PARP12: variants seen among roughly 807,000 people sequenced by gnomAD.
PARP12 encodes the protein poly(ADP-ribose) polymerase family member 12, also known as protein mono-ADP-ribosyltransferase PARP12.
In PARP12, 59 loss-of-function variants were observed where a neutral mutation model predicts 72.4. That is an observed-to-expected ratio of 0.81 (90% CI 0.66 to 1.01). The LOEUF (loss-of-function observed/expected upper bound fraction) is 1.01. Ranked by LOEUF, PARP12 falls within the 50% of genes least tolerant of loss-of-function variation. The pLI is 0.00. For synonymous variants in PARP12, 403 were observed against 371.4 expected, an observed-to-expected ratio of 1.09 and a Z score of -0.98; for missense variants, 851 against 914.0, an observed-to-expected ratio of 0.93 and a Z score of 0.89.
rs774781986 is a variant in PARP12 at position 140,062,836 on chromosome 7, G to A, written c.12C>T (p.Ala4=). Residue 4 remains alanine, a synonymous_variant, in exon 1 of 12, where the codon GCC becomes GCT. Coordinates refer to ENST00000263549, the MANE Select transcript of PARP12 (RefSeq NM_022750.4). ...CCTGGGTGACCTCACCGACGACGCC[G>A]GCCTGGGCCATGGCCGCTGGGCCTG... MAQ[A]GVVGEVTQVL... 3.6e-5 allele frequency: 50 copies of A among 1,384,540 alleles called. No homozygotes were observed. Among genetic ancestry groups the A allele is most frequent in the Middle Eastern group, 2.7e-4 (1 of 3,752 alleles). 85.8% of individuals were successfully genotyped at this position (1,384,540 alleles called of 1,614,324 possible). A position where few individuals can be genotyped will look rare whatever the true frequency, so the allele number is the denominator to read the frequency against.
intron 8 of PARP12, among the ~76,000 whole-genome samples, chr7:140,029,888 A>G (rs1815874157): frequency 6.6e-6 from 1 of 152,202 alleles, no homozygotes; most frequent in Admixed American, 6.5e-5. Flanking sequence ...AAAATGCAGG[A>G]AAGAAGTTGA....
chr7:140,040,328 C>A (rs538793549), intron 6 of PARP12, among the ~76,000 whole-genome samples: 23 of 152,086 alleles, frequency 1.5e-4, no homozygotes, highest in African/African-American at 4.1e-4. Flanking sequence ...AGGTCGCCCA[C>A]GACGGGAGGG....
intron 5 of PARP12, among the ~76,000 whole-genome samples, chr7:140,042,204 T>A (rs1045398731): frequency 6.6e-6 from 1 of 152,250 alleles, no homozygotes; most frequent in African/African-American, 2.4e-5. Flanking sequence ...AGCCAGACCC[T>A]GCATTAAGCA....
chr7:140,031,838 G>C (rs2116529283), intron 8 of PARP12, among the ~76,000 whole-genome samples: 1 of 152,206 alleles, frequency 6.6e-6, no homozygotes, highest in South Asian at 2.1e-4. Flanking sequence ...AGAAATAGGA[G>C]GGTCATAATC....
At chr7:140,034,894 T>A (rs529401243) in intron 7 of PARP12, among the ~76,000 whole-genome samples, 1 of 152,308 alleles carries the variant, frequency 6.6e-6, no homozygotes, top group Admixed American at 6.5e-5. Flanking sequence ...GACAAATACC[T>A]AGCAGTGTTT....
chr7:140,050,575 C>CAA (rs999666688), intron 4 of PARP12, among the ~76,000 whole-genome samples: 7 of 152,262 alleles, frequency 4.6e-5, no homozygotes, highest in African/African-American at 1.7e-4. Flanking sequence ...ACGTGACAGA[C>CAA]AACCAAGAGT....
chr7:140,060,187 G>C (rs1217137909), intron 1 of PARP12, among the ~76,000 whole-genome samples: 1 of 152,196 alleles, frequency 6.6e-6, no homozygotes, highest in African/African-American at 2.4e-5. Flanking sequence ...AGACCTGGAG[G>C]TAAAGTCACT....
chr7:140,033,324 T>C (rs1816019643), intron 8 of PARP12: 1 of 985,418 alleles, frequency 1.0e-6, no homozygotes, highest in African/African-American at 1.7e-5. Flanking sequence ...CAAACTCATT[T>C]AAAAACGACC....
Position 140,026,369 on chromosome 7 carries a change from G to A in PARP12, c.1629-21C>T, listed in dbSNP as rs750765020. The A allele has an allele frequency of 5.6e-6, 9 of 1,600,656 alleles. No homozygotes were observed. In the South Asian group the frequency reaches 7.8e-5, roughly 14 times the overall value. On this transcript the variant is annotated intron_variant, in intron 10 of 11. Coordinates refer to ENST00000263549, the MANE Select transcript of PARP12 (RefSeq NM_022750.4). ...TTTGCCTAGAATCACAGAAGAATGT[G>A]TGCTGGGGGCAGAGTGTGCCGGCCA...
In PARP12 at chr7:140,054,729, G is replaced by C; in HGVS notation, c.795C>G (p.Asn265Lys). Residue 265 changes from asparagine (N) to lysine (K), a missense_variant, in exon 4 of 12, where the codon AAC becomes AAG. Asn to Lys is a moderately conservative substitution (Grantham distance 94). Transcript: ENST00000263549. Reference protein sequence around the residue: ...RKDSSGSVSPNTLSQEEGDQI... With the variant: ...RKDSSGSVSPKTLSQEEGDQI... ...GATCACCCTCCTCCTGGCTAAGAGT[G>C]TTTGGGGACACAGAACCTGAACTGT... The C allele has an allele frequency of 6.2e-7, 1 of 1,614,020 alleles. No homozygotes were observed. Among genetic ancestry groups the C allele is most frequent in the Non-Finnish European group, 8.5e-7 (1 of 1,179,862 alleles).
chr7:140,042,512 T>C (rs1353038728), intron 5 of PARP12, among the ~76,000 whole-genome samples: 1 of 152,164 alleles, frequency 6.6e-6, no homozygotes, highest in African/African-American at 2.4e-5. Flanking sequence ...GCAGTATCGA[T>C]GAGTAACGAC....
intron 5 of PARP12, among the ~76,000 whole-genome samples, chr7:140,044,130 T>G (rs116933644): frequency 0.017 from 2,584 of 152,158 alleles, 34 homozygotes; most frequent in Non-Finnish European, 0.027. Flanking sequence ...ACACACAGAT[T>G]TTAGTGAAAC....
Position 140,062,780 on chromosome 7 carries a change from A to AACTCCAGGGC in PARP12, c.58_67dup (p.Leu23CysfsTer94). ...CCGCAAGCGGCGCCGCAGCTCGGGC[A>AACTCCAGGGC]ACTCCAGGGCGCCCCCGGCCGCGCA... On this transcript the variant is annotated frameshift_variant, in exon 1 of 12. Coordinates refer to ENST00000263549, the MANE Select transcript of PARP12 (RefSeq NM_022750.4). LOFTEE classifies it high-confidence loss of function. The AACTCCAGGGC allele has an allele frequency of 7.1e-7, 1 of 1,404,528 alleles. No individual in the cohort carries two copies. The highest frequency in any genetic ancestry group is 9.3e-7 in the Non-Finnish European group (1 of 1,075,682). The allele number at this position is 1,404,528 out of a possible 1,614,324, so 87.0% of individuals were successfully genotyped here.
At position 140,041,739 on chromosome 7, in the gene PARP12, A is replaced by G. The variant is rs770738875; in HGVS notation, c.1087T>C (p.Ser363Pro). The part of the protein sequence containing the change: ...ATQARRLSTA[S>P]SVTKPPHFIL... ...AAGTGTGGAGGTTTGGTGACAGAGG[A>G]GGCCGTGGAGAGGCGGCGAGCCTGG... is the stretch of plus-strand genomic sequence containing the variant. Residue 363 changes from serine to proline, a missense_variant, in exon 6 of 12, where the codon TCC (serine) becomes CCC (proline). Physicochemically the swap from Ser to Pro is moderately conservative, Grantham distance 74 (BLOSUM62 -1). This residue lies in a region of PARP12 where 492 missense variants were observed against 489.3 expected (regional missense o/e 1.01). Transcript: ENST00000263549. 9.3e-6 allele frequency: 15 copies of G among 1,614,150 alleles called. No individual in the cohort carries two copies. The highest frequency in any genetic ancestry group is 1.2e-5 in the Non-Finnish European group (14 of 1,179,996).
At chr7:140,025,088 A>T (rs1380662672) in intron 11 of PARP12, among the ~76,000 whole-genome samples, 1 of 152,156 alleles carries the variant, frequency 6.6e-6, no homozygotes, top group Non-Finnish European at 1.5e-5. Context: ...TCTGAGTGGC[A>T]GCATCTGAGG....
chr7:140,053,562 G>A (rs1341157766), intron 4 of PARP12, among the ~76,000 whole-genome samples: 1 of 152,050 alleles, frequency 6.6e-6, no homozygotes, highest in Non-Finnish European at 1.5e-5. Context: ...CATTTAAAAT[G>A]GTACACTTTA....
At chr7:140,059,134 T>C (rs1173481509) in intron 1 of PARP12, among the ~76,000 whole-genome samples, 1 of 150,992 alleles carries the variant, frequency 6.6e-6, no homozygotes, top group Non-Finnish European at 1.5e-5. Context: ...AAAACCAGCA[T>C]GTCTACATGA....
In PARP12 at chr7:140,057,949, T is replaced by C. The variant is rs1374410464; in HGVS notation, c.412A>G (p.Asn138Asp). 6.2e-7 allele frequency: 1 copy of C among 1,614,210 alleles called. No homozygotes were observed. The highest frequency in any genetic ancestry group is 8.5e-7 in the Non-Finnish European group (1 of 1,180,028). Residue 138 changes from asparagine to aspartate, a missense_variant, in exon 2 of 12, where the codon AAT becomes GAT. Around this residue, in one of 3 missense-constraint regions of PARP12, gnomAD observed 492 missense variants for 489.3 expected, o/e 1.01. Transcript: ENST00000263549. Reference protein sequence around the residue: ...RTHGVDHLSYNELCQLLFQND... With the variant: ...RTHGVDHLSYDELCQLLFQND... The stretch of plus-strand genomic sequence containing the variant: ...TGAAACAAGAGTTGGCATAGCTCAT[T>C]ATAGCTCAGGTGGTCAACGCCATGA...
chr7:140,029,727 A>G (rs1815867508), intron 8 of PARP12, among the ~76,000 whole-genome samples: 1 of 152,276 alleles, frequency 6.6e-6, no homozygotes, highest in Admixed American at 6.5e-5. Context: ...AGAACCAAAT[A>G]GAACTTACAG....
Sources: gnomAD v4.1 joint callset for allele counts (sites outside exome capture counted in the v4.1 genomes callset) on GRCh38, gnomAD v4.1.1 for gene constraint, gnomAD v4.1.1 regional missense constraint, MANE v1.5 for transcripts, NCBI Gene and HGNC (gene_info 2026-07-23, HGNC 2026-07-21) for gene names.